Variants in DOK6 observed in about 807,000 individuals in gnomAD.
The protein encoded by DOK6 is downstream of tyrosine kinase 6.
DOK6 carries 22 observed loss-of-function variants against 44.0 expected under a neutral mutation model. The ratio of observed to expected loss-of-function variants is 0.50; its 90% CI spans 0.36 to 0.71. DOK6 has a LOEUF of 0.71. Ranked by LOEUF, DOK6 falls within the 30% of genes least tolerant of loss-of-function variation. The pLI, the probability that DOK6 is intolerant of heterozygous loss-of-function variation, is 0.00. For synonymous variants in DOK6, 166 were observed against 145.5 expected, an observed-to-expected ratio of 1.14 and a Z score of -1.01; for missense variants, 340 against 416.4, an observed-to-expected ratio of 0.82 and a Z score of 1.60.
chr18:69,466,835 A>G (rs970513385), intron 1 of DOK6, among the ~76,000 whole-genome samples: 3 of 151,988 alleles, frequency 2.0e-5, no homozygotes, highest in Non-Finnish European at 4.4e-5. Context: ...GAAAGGAAAG[A>G]AGGAGAGAAG....
chr18:69,520,278 C>CAAAAA (rs34729428), intron 1 of DOK6, among the ~76,000 whole-genome samples: 1 of 151,342 alleles, frequency 6.6e-6, no homozygotes, highest in African/African-American at 2.4e-5. Flanking sequence ...TAGACCTAGT[C>CAAAAA]AAAAATATAC....
intron 3 of DOK6, among the ~76,000 whole-genome samples, chr18:69,609,161 G>T (rs536950226): frequency 1.3e-5 from 2 of 152,194 alleles, no homozygotes; most frequent in East Asian, 3.9e-4. Flanking sequence ...TGGAAATTGT[G>T]TCAAACTAAA....
intron 7 of DOK6, among the ~76,000 whole-genome samples, chr18:69,761,856 A>G (rs1979566496): frequency 6.6e-6 from 1 of 152,140 alleles, no homozygotes; most frequent in Non-Finnish European, 1.5e-5. Flanking sequence ...CAGATATCCG[A>G]GTTACGCAAG....
chr18:69,818,312 G>A (rs1981461518), intron 7 of DOK6, among the ~76,000 whole-genome samples: 1 of 152,194 alleles, frequency 6.6e-6, no homozygotes, highest in South Asian at 2.1e-4. Flanking sequence ...TGAGATGGCT[G>A]AGTTTGTTCT....
rs1051517868 is a variant in DOK6, at chr18:69,435,053, A to C, written c.66+33743A>C. ...AAGGAAGGAAGGAAGGAAGGAAGGAAGGAAGGAAGGAAGGAAGGAAGGAAG... is the reference window on the plus strand; with the variant it reads ...AAGGAAGGAAGGAAGGAAGGAAGGACGGAAGGAAGGAAGGAAGGAAGGAAG... On this transcript the variant is annotated intron_variant, in intron 1 of 7. Coordinates refer to ENST00000382713, the MANE Select transcript of DOK6 (RefSeq NM_152721.6). Among the ~76,000 whole-genome samples the C allele has an allele frequency of 1.8e-3, 258 of 145,640 alleles. 3 individuals are homozygous for C. The highest frequency in any genetic ancestry group is 4.2e-3 in the African/African-American group (167 of 39,398).
At chr18:69,762,567 AT>A (rs1979594528) in intron 7 of DOK6, among the ~76,000 whole-genome samples, 1 of 152,204 alleles carries the variant, frequency 6.6e-6, no homozygotes, top group South Asian at 2.1e-4. Flanking sequence ...ATTTTCAAAT[AT>A]TTTTTAGGTG....
intron 1 of DOK6, chr18:69,469,751 G>T: frequency 3.9e-6 from 1 of 255,308 alleles, no homozygotes; most frequent in Non-Finnish European, 8.1e-6. Context: ...GAGAGGCCAG[G>T]ACGCCATCGG....
chr18:69,593,931 T>C (rs1269993691), intron 2 of DOK6, among the ~76,000 whole-genome samples: 3 of 152,220 alleles, frequency 2.0e-5, no homozygotes, highest in Admixed American at 6.5e-5. Flanking sequence ...TAAGATCCTT[T>C]GTTCAGGTAA....
At chr18:69,424,793 C>A (rs775284287) in intron 1 of DOK6, among the ~76,000 whole-genome samples, 1 of 151,970 alleles carries the variant, frequency 6.6e-6, no homozygotes, top group African/African-American at 2.4e-5. Flanking sequence ...TTATTTGTTC[C>A]CATATAGGTA....
chr18:69,793,679 G>A (rs774197394), intron 7 of DOK6, among the ~76,000 whole-genome samples: 15 of 152,084 alleles, frequency 9.9e-5, no homozygotes, highest in East Asian at 1.9e-4. Flanking sequence ...TAACTGGAAC[G>A]TGACAGAGCC....
At chr18:69,777,028 G>A (rs60922713) in intron 7 of DOK6, among the ~76,000 whole-genome samples, 19,125 of 147,078 alleles carry the variant, frequency 0.13, 1,509 homozygotes, top group African/African-American at 0.2. Context: ...GCATTAGGAG[G>A]TATACCTAAT....
chr18:69,751,501 T>G (rs923717888), intron 6 of DOK6, among the ~76,000 whole-genome samples: 4 of 152,146 alleles, frequency 2.6e-5, no homozygotes, highest in South Asian at 2.1e-4. Flanking sequence ...CAAATATATA[T>G]AGAGCAGGAA....
At chr18:69,828,277 T>C (rs72953846) in intron 7 of DOK6, among the ~76,000 whole-genome samples, 15,936 of 151,848 alleles carry the variant, frequency 0.1, 1,124 homozygotes, top group Non-Finnish European at 0.16. Flanking sequence ...TCATGTATTC[T>C]CCAGTCTTTA....
intron 7 of DOK6, among the ~76,000 whole-genome samples, chr18:69,817,519 C>T (rs1439899738): frequency 6.6e-6 from 1 of 152,130 alleles, no homozygotes; most frequent in Non-Finnish European, 1.5e-5. Context: ...AGACAGCCGC[C>T]TTCTCACTGT....
chr18:69,748,823 A>C (rs980453470), intron 6 of DOK6, among the ~76,000 whole-genome samples: 2 of 152,226 alleles, frequency 1.3e-5, no homozygotes, highest in African/African-American at 4.8e-5. Flanking sequence ...CCAAAGGAAT[A>C]GAAATCATTC....
In DOK6 at chr18:69,748,753, C is replaced by G. The variant is rs142573064; in HGVS notation, c.739-9003C>G. 1.3e-3 allele frequency among the ~76,000 whole-genome samples: 199 copies of G among 152,250 alleles called. 3 individuals are homozygous for G. The East Asian group carries it at 0.034, about 26-fold the overall frequency. Reference sequence around the variant, plus strand: ...CATTGTGGAACATGGTGTGGCAATTCCTCAAAGATCTAGAACCAGAAATAT... The same window carrying G: ...CATTGTGGAACATGGTGTGGCAATTGCTCAAAGATCTAGAACCAGAAATAT... On this transcript the variant is annotated intron_variant, in intron 6 of 7. Coordinates refer to ENST00000382713, the MANE Select transcript of DOK6 (RefSeq NM_152721.6).
Position 69,712,786 on chromosome 18 carries a change from G to A in DOK6, c.599+14193G>A, listed in dbSNP as rs528571114. On this transcript the variant is annotated intron_variant, in intron 5 of 7. Coordinates refer to ENST00000382713, the MANE Select transcript of DOK6 (RefSeq NM_152721.6). ...CTCTTGAAGCCGGGAGGCTGAGGTT[G>A]CAGTGAGCCGAGATCACGCTACTGC... 1.6e-3 allele frequency among the ~76,000 whole-genome samples: 245 copies of A among 152,282 alleles called. 1 individual carries two copies. Among genetic ancestry groups the A allele is most frequent in the African/African-American group, 5.6e-3 (232 of 41,562 alleles).
At chr18:69,836,522 G>T (rs1360646184) in intron 7 of DOK6, among the ~76,000 whole-genome samples, 1 of 151,964 alleles carries the variant, frequency 6.6e-6, no homozygotes, top group East Asian at 1.9e-4. Flanking sequence ...ACATTACCTA[G>T]ATATATGGGT....
chr18:69,797,400 A>T (rs1320914872), intron 7 of DOK6, among the ~76,000 whole-genome samples: 2 of 152,136 alleles, frequency 1.3e-5, no homozygotes, highest in Non-Finnish European at 2.9e-5. Context: ...ACATCTTGAG[A>T]TTATATTAAC....
Sources: gnomAD v4.1 joint callset for allele counts (sites outside exome capture counted in the v4.1 genomes callset) on GRCh38, gnomAD v4.1.1 for gene constraint, MANE v1.5 for transcripts, NCBI Gene and HGNC (gene_info 2026-07-23, HGNC 2026-07-21) for gene names.